DGKI: variants seen among roughly 807,000 people sequenced by gnomAD.
The protein encoded by DGKI is DAG kinase iota.
In DGKI, 55 loss-of-function variants were observed where a neutral mutation model predicts 147.5. The observed-to-expected ratio is 0.37, with a 90% CI of 0.30 to 0.47. DGKI has a LOEUF of 0.47. Ranked by LOEUF, DGKI falls within the 20% of genes least tolerant of loss-of-function variation. The pLI, the probability that DGKI is intolerant of heterozygous loss-of-function variation, is 1.00. For synonymous variants in DGKI, 469 were observed against 477.1 expected, an observed-to-expected ratio of 0.98 and a Z score of 0.22; for missense variants, 1,007 against 1,323.8, an observed-to-expected ratio of 0.76 and a Z score of 3.71.
chr7:137,784,844 T>C (rs995155658), intron 1 of DGKI, among the ~76,000 whole-genome samples: 1 of 151,908 alleles, frequency 6.6e-6, no homozygotes, highest in Non-Finnish European at 1.5e-5. Context: ...TATAAGCACA[T>C]GGAAATTAAA....
rs1038621213 is a variant in DGKI, at chr7:137,637,940, A to G, written c.804+7532T>C. ...GGTTTTACACCTGGGGCAAAGACTG[A>G]AAAGAATGATTTCCGTCATAAGCGG... On this transcript the variant is annotated intron_variant, in intron 6 of 32. Transcript: ENST00000614521. 6.6e-5 allele frequency among the ~76,000 whole-genome samples: 10 copies of G among 152,182 alleles called. 1 individual carries two copies. Among genetic ancestry groups the G allele is most frequent in the Admixed American group, 6.5e-4 (10 of 15,270 alleles).
At position 137,395,653 on chromosome 7, in the gene DGKI, G is replaced by T; in HGVS notation, c.3002C>A (p.Ala1001Asp). ...TGCATCCACCAGAAGCTGGCACACA[G>T]CCCGGTTCCGCTGGCAGGCAGCCTT... ...LHKAACQRNRAVCQLLVDAGA... is the reference protein window; with the variant it reads ...LHKAACQRNRDVCQLLVDAGA... The change falls in exon 32 of 33, where the codon GCT becomes GAT. Residue 1001 changes from alanine to aspartate, a missense_variant. Around this residue, in one of 5 missense-constraint regions of DGKI, gnomAD observed 385 missense variants for 445.2 expected, o/e 0.86. Transcript: ENST00000614521. The T allele has an allele frequency of 6.2e-7, 1 of 1,614,160 alleles. No homozygotes were observed. The highest frequency in any genetic ancestry group is 8.5e-7 in the Non-Finnish European group (1 of 1,179,990).
chr7:137,805,790 C>A (rs556690388), intron 1 of DGKI, among the ~76,000 whole-genome samples: 1 of 152,128 alleles, frequency 6.6e-6, no homozygotes, highest in African/African-American at 2.4e-5. Flanking sequence ...ATTGGAAATA[C>A]CTTAGAGATC....
chr7:137,634,699 C>G (rs1821249922), intron 6 of DGKI, among the ~76,000 whole-genome samples: 1 of 152,188 alleles, frequency 6.6e-6, no homozygotes, highest in Non-Finnish European at 1.5e-5. Flanking sequence ...CAACTCACCT[C>G]TGGAAAAATG....
intron 11 of DGKI, 97 bp downstream of exon 11, chr7:137,599,725 TG>T: frequency 9.6e-7 from 1 of 1,037,226 alleles, no homozygotes; most frequent in South Asian, 1.4e-5. Flanking sequence ...AGATGACAGA[TG>T]GTCAGGATAT....
At chr7:137,810,474 G>A (rs901302150) in intron 1 of DGKI, among the ~76,000 whole-genome samples, 1 of 152,180 alleles carries the variant, frequency 6.6e-6, no homozygotes, top group Non-Finnish European at 1.5e-5. Flanking sequence ...AGACTTCACA[G>A]TAAAGGCAAA....
intron 20 of DGKI, chr7:137,545,993 C>CA (rs1484850392): frequency 1.4e-6 from 1 of 700,414 alleles, no homozygotes; most frequent in Admixed American, 2.0e-5. Context: ...GCAGCGAAGA[C>CA]AGAGTCAGCG....
chr7:137,671,884 AAT>A (rs1340050218), intron 3 of DGKI, among the ~76,000 whole-genome samples: 4 of 152,254 alleles, frequency 2.6e-5, no homozygotes, highest in African/African-American at 7.2e-5. Context: ...ACTAAAGCAA[AAT>A]ACAAGAACAA....
At chr7:137,786,835 A>G (rs1796686886) in intron 1 of DGKI, among the ~76,000 whole-genome samples, 1 of 152,116 alleles carries the variant, frequency 6.6e-6, no homozygotes, top group South Asian at 2.1e-4. Context: ...CTTACAGCCA[A>G]CTGATCTTCA....
chr7:137,572,334 T>C (rs1446578033), intron 18 of DGKI, among the ~76,000 whole-genome samples: 1 of 152,240 alleles, frequency 6.6e-6, no homozygotes, highest in Non-Finnish European at 1.5e-5. Flanking sequence ...CATCCTATTT[T>C]TCAAAGAAAT....
chr7:137,472,113 AC>A (rs1398127261), intron 23 of DGKI, among the ~76,000 whole-genome samples: 4,845 of 120,574 alleles, frequency 0.04, 284 homozygotes, highest in East Asian at 0.12. Flanking sequence ...GTGTATATAT[AC>A]ATATAAATAT....
intron 7 of DGKI, among the ~76,000 whole-genome samples, 157 bp from the exon 8 acceptor site, chr7:137,620,097 C>A (rs568733037): frequency 9.9e-5 from 15 of 151,998 alleles, no homozygotes; most frequent in Non-Finnish European, 1.9e-4. Flanking sequence ...CACATGCACA[C>A]ATGGGCACAC....
intron 8 of DGKI, among the ~76,000 whole-genome samples, chr7:137,613,234 C>G (rs183917200): frequency 1.3e-5 from 2 of 152,066 alleles, no homozygotes; most frequent in Non-Finnish European, 2.9e-5. Context: ...AGTCTCCCCC[C>G]CATCATATAC....
intron 23 of DGKI, among the ~76,000 whole-genome samples, chr7:137,474,093 G>C (rs1378413516): frequency 6.6e-6 from 1 of 152,110 alleles, no homozygotes; most frequent in East Asian, 1.9e-4. Flanking sequence ...TAAAGAAACA[G>C]CTACTCACAT....
intron 28 of DGKI, among the ~76,000 whole-genome samples, chr7:137,436,890 G>A (rs543875098): frequency 6.6e-6 from 1 of 152,052 alleles, no homozygotes; most frequent in Admixed American, 6.6e-5. Flanking sequence ...AGACCAAGGG[G>A]AAAAAAATTG....
At chr7:137,775,984 G>A (rs776525091) in intron 1 of DGKI, among the ~76,000 whole-genome samples, 6 of 151,788 alleles carry the variant, frequency 4.0e-5, no homozygotes, top group East Asian at 1.9e-4. Flanking sequence ...TCAGCCTCCC[G>A]AGTAGCTGGG....
intron 20 of DGKI, among the ~76,000 whole-genome samples, chr7:137,532,645 T>C (rs17169223): frequency 0.031 from 4,765 of 152,196 alleles, 105 homozygotes; most frequent in South Asian, 0.096. Flanking sequence ...CTCAGATGTG[T>C]TCCCACCAGC....
chr7:137,551,619 CA>C (rs1818047855), intron 20 of DGKI, among the ~76,000 whole-genome samples: 1 of 152,320 alleles, frequency 6.6e-6, no homozygotes, highest in Middle Eastern at 3.4e-3. Flanking sequence ...TCCCCTTCTC[CA>C]ACCCCACAGA....
chr7:137,414,632 T>C (rs763813396), intron 28 of DGKI, among the ~76,000 whole-genome samples: 10 of 151,946 alleles, frequency 6.6e-5, no homozygotes, highest in East Asian at 1.9e-4. Context: ...TCTCTGGAGG[T>C]ATAGAGGCCC....
Sources: allele counts gnomAD v4.1 joint callset (sites outside exome capture counted in the v4.1 genomes callset), GRCh38; gene constraint gnomAD v4.1.1; regional missense constraint gnomAD v4.1.1; transcripts MANE v1.5; gene names NCBI Gene and HGNC (gene_info 2026-07-23, HGNC 2026-07-21).